The following CCSER2 variants were observed in gnomAD, a reference collection of about 807,000 sequenced individuals.
The protein encoded by CCSER2 is serine-rich coiled-coil domain-containing protein 2.
In CCSER2, 46 loss-of-function variants were observed where a neutral mutation model predicts 92.3. That is an observed-to-expected ratio of 0.50 (90% CI 0.39 to 0.64). CCSER2 has a LOEUF of 0.64. Among genes scored for constraint, CCSER2 ranks in the 30% least tolerant of loss-of-function variants. The pLI is 0.00. For missense variants in CCSER2, 1,244 were observed against 1,238.9 expected (o/e 1.00, Z -0.06); for synonymous variants, 433 against 431.4 (o/e 1.00, Z -0.04).
At chr10:84,494,497 A>G (rs1271449603) in intron 9 of CCSER2, among the ~76,000 whole-genome samples, 1 of 152,142 alleles carries the variant, frequency 6.6e-6, no homozygotes, top group Non-Finnish European at 1.5e-5. Flanking sequence ...AATGTAGTCC[A>G]GCTGGTCTTA....
At chr10:84,499,890 C>G (rs998597847) in intron 9 of CCSER2, 1 of 1,613,978 alleles carries the variant, frequency 6.2e-7, no homozygotes, top group African/African-American at 1.3e-5. Context: ...GTATTCTGCT[C>G]CCTCCTTCTC....
chr10:84,447,294 G>C (rs1844984406), intron 6 of CCSER2, among the ~76,000 whole-genome samples: 2 of 152,298 alleles, frequency 1.3e-5, no homozygotes, highest in African/African-American at 4.8e-5. Context: ...CATATGGATA[G>C]AATATAGTGA....
intron 9 of CCSER2, among the ~76,000 whole-genome samples, chr10:84,503,196 C>T (rs183265889): frequency 1.3e-5 from 2 of 151,988 alleles, no homozygotes; most frequent in African/African-American, 4.8e-5. Context: ...CACTGTACTC[C>T]GGCCTGGGCA....
At chr10:84,440,307 A>G (rs1199186060) in intron 6 of CCSER2, among the ~76,000 whole-genome samples, 2 of 152,188 alleles carry the variant, frequency 1.3e-5, no homozygotes, top group Admixed American at 6.5e-5. Flanking sequence ...AAATTATGAG[A>G]AGAAAATTGC....
chr10:84,416,578 G>A (rs546339435), intron 3 of CCSER2, among the ~76,000 whole-genome samples: 1 of 152,204 alleles, frequency 6.6e-6, no homozygotes, highest in African/African-American at 2.4e-5. Flanking sequence ...CCCAACATAG[G>A]AAACAGTTTT....
At chr10:84,428,493 G>A (rs1490305986) in intron 5 of CCSER2, among the ~76,000 whole-genome samples, 6 of 152,258 alleles carry the variant, frequency 3.9e-5, no homozygotes, top group African/African-American at 1.4e-4. Context: ...ACTGGTACTG[G>A]TCCCTGGTTA....
At chr10:84,495,970 CTTTTTTCTTTATTTCTG>C (rs1848426156) in intron 9 of CCSER2, among the ~76,000 whole-genome samples, 2 of 125,064 alleles carry the variant, frequency 1.6e-5, no homozygotes, top group Non-Finnish European at 1.9e-5. Context: ...TTATTTTTTT[CTTTTTTCTTTATTTCTG>C]TTTTTTCTTT....
intron 1 of CCSER2, among the ~76,000 whole-genome samples, chr10:84,335,228 C>CTT (rs1202869188): frequency 0.1 from 7,315 of 69,926 alleles, 1,357 homozygotes; most frequent in African/African-American, 0.36. Context: ...CTCTCTCTCT[C>CTT]TTTTTTTTTT....
In CCSER2 at chr10:84,437,702, T is replaced by C. The variant is rs557656987; in HGVS notation, c.1869-810T>C. ...AAACTGAAGGGAAATGTAAAAAATT[T>C]TAGAGTAGTTTTTTTTTTTTTTTTT... On this transcript the variant is annotated intron_variant, in intron 5 of 9. Transcript: ENST00000372088. Among the ~76,000 whole-genome samples, 54 of 151,756 alleles carry C rather than the reference T, an allele frequency of 3.6e-4. 1 individual carries two copies. In the South Asian group the frequency reaches 0.011, roughly 31 times the overall value.
chr10:84,403,556 AAT>A (rs1476079524), intron 3 of CCSER2, among the ~76,000 whole-genome samples: 16 of 152,210 alleles, frequency 1.1e-4, no homozygotes, highest in African/African-American at 3.9e-4. Flanking sequence ...TCGTGTCCAA[AAT>A]ATCTAACAAA....
intron 3 of CCSER2, chr10:84,389,568 C>T (rs888351051): frequency 6.2e-5 from 14 of 224,716 alleles, no homozygotes; most frequent in African/African-American, 2.4e-4. Flanking sequence ...GACTTTACCT[C>T]GATACACCTC....
Position 84,451,101 on chromosome 10 carries a change from A to G in CCSER2, c.2064+12394A>G, listed in dbSNP as rs143018099. Among the ~76,000 whole-genome samples the G allele has an allele frequency of 3.0e-3, 460 of 152,196 alleles. 4 individuals are homozygous for G. The highest frequency in any genetic ancestry group is 0.011 in the African/African-American group (438 of 41,564). ...GATTTGTGTACATTGAAAAGGAGAAAGGGGAAAAAACCCTTTAGAGCAGGG... is the reference window on the plus strand; with the variant it reads ...GATTTGTGTACATTGAAAAGGAGAAGGGGGAAAAAACCCTTTAGAGCAGGG... On this transcript the variant is annotated intron_variant, in intron 6 of 9. Coordinates refer to ENST00000372088, the MANE Select transcript of CCSER2 (RefSeq NM_001284240.2).
At chr10:84,435,184 C>T (rs1224881080) in intron 5 of CCSER2, among the ~76,000 whole-genome samples, 2 of 152,250 alleles carry the variant, frequency 1.3e-5, no homozygotes, top group African/African-American at 2.4e-5. Flanking sequence ...GTTAAAGAAA[C>T]TATGGCCCAA....
chr10:84,432,625 C>T (rs1188778976), intron 5 of CCSER2, among the ~76,000 whole-genome samples: 2 of 152,132 alleles, frequency 1.3e-5, no homozygotes, highest in Non-Finnish European at 2.9e-5. Context: ...ATTTTAGATA[C>T]CAATCCTTTA....
chr10:84,455,649 T>C lies in CCSER2; in HGVS notation c.2065-8284T>C, dbSNP rs572593072. On this transcript the variant is annotated intron_variant, in intron 6 of 9. Coordinates refer to ENST00000372088, the MANE Select transcript of CCSER2 (RefSeq NM_001284240.2). The stretch of plus-strand genomic sequence containing the variant: ...TTTTTTGAACTGCCTTCCACAGAAA[T>C]GAGTTTCAGGAGATTGTTCACAGTC... The C allele has an allele frequency of 7.5e-6, 5 of 667,064 alleles. No homozygotes were observed. In the African/African-American group the frequency reaches 8.9e-5, roughly 12 times the overall value. The allele number at this position is 667,064 out of a possible 1,614,324, so 41.3% of individuals were successfully genotyped here.
At chr10:84,345,886 T>G (rs914770855) in intron 1 of CCSER2, among the ~76,000 whole-genome samples, 2 of 152,180 alleles carry the variant, frequency 1.3e-5, no homozygotes, top group African/African-American at 4.8e-5. Flanking sequence ...TTCACTTGTT[T>G]GTCAGCAACC....
At chr10:84,485,141 CA>C (rs1287817661) in intron 9 of CCSER2, among the ~76,000 whole-genome samples, 1 of 151,980 alleles carries the variant, frequency 6.6e-6, no homozygotes, top group East Asian at 1.9e-4. Context: ...TTTTATTTTT[CA>C]ACCAATTTTC....
Position 84,518,138 on chromosome 10 carries a change from C to T in CCSER2, c.*3871C>T, listed in dbSNP as rs1357503131. The T allele has an allele frequency of 6.6e-6, 1 of 152,156 alleles. No individual in the cohort carries two copies. Among genetic ancestry groups the T allele is most frequent in the Non-Finnish European group, 1.5e-5 (1 of 68,042 alleles). The allele number at this position is 152,156 out of a possible 1,614,324, so 9.4% of individuals were successfully genotyped here. ...AATTCTATTTTCTAGTGATTTTTCA[C>T]ATCTCCCTTTAAGTTTTTGCTGCAG... On this transcript the variant is annotated 3_prime_UTR_variant, in exon 10 of 10. Transcript: ENST00000372088.
At chr10:84,390,673 A>G (rs1841470874) in intron 3 of CCSER2, among the ~76,000 whole-genome samples, 1 of 152,234 alleles carries the variant, frequency 6.6e-6, no homozygotes. Context: ...TATATGGTGC[A>G]CGACTGTTCT....
Sources: allele counts gnomAD v4.1 joint callset (sites outside exome capture counted in the v4.1 genomes callset), GRCh38; gene constraint gnomAD v4.1.1; transcripts MANE v1.5; gene names NCBI Gene and HGNC (gene_info 2026-07-23, HGNC 2026-07-21).